The following SAMD12 variants were observed in gnomAD, a reference collection of about 807,000 sequenced individuals.
SAMD12 encodes sterile alpha motif domain containing 12.
In SAMD12, 9 loss-of-function variants were observed where a neutral mutation model predicts 15.0. The observed-to-expected ratio is 0.60, with a 90% CI of 0.36 to 1.05. The LOEUF (loss-of-function observed/expected upper bound fraction) is 1.05, where lower values mean the gene tolerates loss of function less well. Ranked by LOEUF, SAMD12 falls within the 50% of genes least tolerant of loss-of-function variation. The pLI is 0.01. For missense variants in SAMD12, 230 were observed against 234.2 expected (o/e 0.98, Z 0.12); for synonymous variants, 86 against 90.1 (o/e 0.96, Z 0.25).
intron 2 of SAMD12, among the ~76,000 whole-genome samples, chr8:118,511,781 T>C (rs1358032879): frequency 6.6e-6 from 1 of 152,216 alleles, no homozygotes; most frequent in Admixed American, 6.5e-5. Context: ...AATGTGATTG[T>C]AGTTAAATCA....
the SAMD12 span, among the ~76,000 whole-genome samples, chr8:118,175,294 T>C: frequency 6.6e-6 from 1 of 152,232 alleles, no homozygotes; most frequent in East Asian, 1.9e-4. Context: ...GATAGCCATA[T>C]GCAGAAGATT....
At chr8:118,329,467 C>T (rs942918586) in intron 4 of SAMD12, among the ~76,000 whole-genome samples, 1 of 152,010 alleles carries the variant, frequency 6.6e-6, no homozygotes, top group Non-Finnish European at 1.5e-5. Context: ...AACACCTGTC[C>T]ATTAGCTCCT....
intron 3 of SAMD12, among the ~76,000 whole-genome samples, chr8:118,414,117 G>A (rs1444814318): frequency 6.6e-6 from 1 of 152,152 alleles, no homozygotes; most frequent in Non-Finnish European, 1.5e-5. Flanking sequence ...TATTTACCAG[G>A]TGTTTGGTTA....
At chr8:118,323,323 T>G (rs1816390313) in intron 4 of SAMD12, among the ~76,000 whole-genome samples, 1 of 152,078 alleles carries the variant, frequency 6.6e-6, no homozygotes, top group Non-Finnish European at 1.5e-5. Context: ...GAATGAACAG[T>G]GTTGGGAGGT....
chr8:118,524,138 T>C (rs918268826), intron 2 of SAMD12, among the ~76,000 whole-genome samples: 11 of 152,126 alleles, frequency 7.2e-5, no homozygotes, highest in Non-Finnish European at 1.3e-4. Context: ...TTGGAAAGTG[T>C]TGTTCTTGCT....
At chr8:118,140,459 A>G in the SAMD12 span, among the ~76,000 whole-genome samples, 1 of 151,972 alleles carries the variant, frequency 6.6e-6, no homozygotes, top group Non-Finnish European at 1.5e-5. Context: ...TTTTGTAGAG[A>G]TAGGATCTTG....
intron 2 of SAMD12, among the ~76,000 whole-genome samples, chr8:118,505,379 A>G (rs62531887): frequency 0.23 from 33,952 of 149,108 alleles, 4,082 homozygotes; most frequent in South Asian, 0.41. Context: ...TATCATGGAA[A>G]CTACACATCC....
At chr8:118,143,388 A>G in the SAMD12 span, among the ~76,000 whole-genome samples, 1 of 152,238 alleles carries the variant, frequency 6.6e-6, no homozygotes, top group Non-Finnish European at 1.5e-5. Context: ...CTAATTTCAC[A>G]TGAAGAAATT....
At chr8:118,554,328 A>G (rs1454807037) in intron 2 of SAMD12, among the ~76,000 whole-genome samples, 3 of 152,146 alleles carry the variant, frequency 2.0e-5, no homozygotes, top group South Asian at 2.1e-4. Flanking sequence ...TGTGGCACAT[A>G]TACACCATGG....
At chr8:118,186,164 A>G (rs1819240135), downstream of SAMD12, among the ~76,000 whole-genome samples, 1 of 152,186 alleles carries the variant, frequency 6.6e-6, no homozygotes, top group South Asian at 2.1e-4. Flanking sequence ...GGACAAGGGT[A>G]AAGTACATAT....
At chr8:118,366,776 C>T (rs912038996) in intron 4 of SAMD12, among the ~76,000 whole-genome samples, 1 of 149,820 alleles carries the variant, frequency 6.7e-6, no homozygotes, top group African/African-American at 2.5e-5. Flanking sequence ...CGCGCCATTG[C>T]ACTCCAGCCT....
the SAMD12 span, among the ~76,000 whole-genome samples, chr8:118,142,049 G>T: frequency 6.6e-6 from 1 of 152,078 alleles, no homozygotes; most frequent in East Asian, 1.9e-4. Context: ...AAATTTTGTG[G>T]CCCCAACTAG....
intron 4 of SAMD12, among the ~76,000 whole-genome samples, chr8:118,231,629 GT>G (rs1812311560): frequency 6.6e-6 from 1 of 152,108 alleles, no homozygotes; most frequent in Non-Finnish European, 1.5e-5. Flanking sequence ...TATGCCCTAA[GT>G]TTTTTAAAAC....
chr8:118,330,235 G>T (rs1003430079), intron 4 of SAMD12, among the ~76,000 whole-genome samples: 1 of 152,198 alleles, frequency 6.6e-6, no homozygotes, highest in African/African-American at 2.4e-5. Context: ...GTATACAGAA[G>T]ATATGGAGAC....
At chr8:118,395,724 C>T (rs181800880) in intron 3 of SAMD12, among the ~76,000 whole-genome samples, 2 of 151,996 alleles carry the variant, frequency 1.3e-5, no homozygotes, top group African/African-American at 4.8e-5. Flanking sequence ...TTTGGGAGGC[C>T]GAGGTGGGTG....
chr8:118,466,541 A>G (rs962536303), intron 2 of SAMD12, among the ~76,000 whole-genome samples: 9 of 152,230 alleles, frequency 5.9e-5, no homozygotes, highest in Non-Finnish European at 1.2e-4. Flanking sequence ...CATAAATAAC[A>G]CAAAAGTATT....
chr8:118,340,622 A>C (rs1817310416), intron 4 of SAMD12, among the ~76,000 whole-genome samples: 1 of 152,178 alleles, frequency 6.6e-6, no homozygotes, highest in South Asian at 2.1e-4. Flanking sequence ...TACAAAAATT[A>C]GCTGGGTGTA....
At chr8:118,212,281 T>A (rs1811852460) in intron 4 of SAMD12, among the ~76,000 whole-genome samples, 1 of 151,990 alleles carries the variant, frequency 6.6e-6, no homozygotes, top group African/African-American at 2.4e-5. Flanking sequence ...ACTACAGGTG[T>A]GTGCCACCAT....
At chr8:118,207,930 T>C (rs1340019082) in intron 4 of SAMD12, among the ~76,000 whole-genome samples, 4 of 64,456 alleles carry the variant, frequency 6.2e-5, no homozygotes, top group South Asian at 4.2e-4. Flanking sequence ...AAATACTCCT[T>C]TTTTTTTTTG....
Sources: allele counts gnomAD v4.1 joint callset (sites outside exome capture counted in the v4.1 genomes callset), GRCh38; gene constraint gnomAD v4.1.1; transcripts MANE v1.5; gene names NCBI Gene and HGNC (gene_info 2026-07-23, HGNC 2026-07-21).